FBXO27: variants seen among roughly 807,000 people sequenced by gnomAD.
The protein encoded by FBXO27 is F-box only protein 27.
Under a neutral mutation model 28.3 loss-of-function variants are expected in FBXO27, and 28 were observed. The ratio of observed to expected loss-of-function variants is 0.99; its 90% CI spans 0.73 to 1.36. The LOEUF (loss-of-function observed/expected upper bound fraction) is 1.36, where lower values mean the gene tolerates loss of function less well. FBXO27 is among the 40% of genes most tolerant of loss of function. The pLI, the probability that FBXO27 is intolerant of heterozygous loss-of-function variation, is 0.00. For synonymous variants in FBXO27, 175 were observed against 167.3 expected (o/e 1.05, Z -0.36); for missense variants, 388 against 394.1 (o/e 0.98, Z 0.13).
intron 1 of FBXO27, among the ~76,000 whole-genome samples, chr19:39,014,734 A>AAACAAACAAACAAACAAAC (rs1555757171): frequency 1.3e-5 from 2 of 149,024 alleles, no homozygotes; most frequent in African/African-American, 5.0e-5. Flanking sequence ...TAAAAACAAA[A>AAACAAACAAACAAACAAAC]AAACAAACAA....
At chr19:39,018,889 C>T (rs1161311667) in intron 1 of FBXO27, among the ~76,000 whole-genome samples, 3 of 150,236 alleles carry the variant, frequency 2.0e-5, no homozygotes, top group South Asian at 2.1e-4. Flanking sequence ...GCCAACGTGG[C>T]GAAACCCTGT....
At chr19:39,029,641 G>T (rs1257201440) in intron 4 of FBXO27, among the ~76,000 whole-genome samples, 1 of 152,026 alleles carries the variant, frequency 6.6e-6, no homozygotes, top group Non-Finnish European at 1.5e-5. Context: ...GATTAATTGT[G>T]TAATAGGGGG....
At chr19:39,023,183 G>GC (rs2072853808), downstream of FBXO27, among the ~76,000 whole-genome samples, 1 of 152,140 alleles carries the variant, frequency 6.6e-6, no homozygotes, top group South Asian at 2.1e-4. Flanking sequence ...TGATCCACCT[G>GC]CCGCGGTCCC....
chr19:39,025,213 T>G lies in FBXO27; in HGVS notation c.*198A>C. On this transcript the variant is annotated 3_prime_UTR_variant, in exon 6 of 6. Transcript: ENST00000292853. ...CCCGCAAAGCAGCAGCTGCAGTAGG[T>G]AGATAAGATGGAAGAAGCTTCTTCT... 1.6e-6 allele frequency: 1 copy of G among 641,322 alleles called. No homozygotes were observed. The highest frequency in any genetic ancestry group is 2.5e-6 in the Non-Finnish European group (1 of 394,990). 39.7% of individuals were successfully genotyped at this position (641,322 alleles called of 1,614,324 possible).
chr19:39,007,496 C>T (rs947036093), intron 2 of FBXO27, among the ~76,000 whole-genome samples: 7 of 151,978 alleles, frequency 4.6e-5, no homozygotes, highest in African/African-American at 1.7e-4. Context: ...AAGGCAAGAC[C>T]GGGTGTTTCT....
In FBXO27 at chr19:39,032,148, C is replaced by CTT. The variant is rs1248414535; in HGVS notation, c.79_80insAA (p.Ser27LysfsTer13). The CTT allele has an allele frequency of 1.3e-6, 2 of 1,543,216 alleles. No homozygotes were observed. Among genetic ancestry groups the CTT allele is most frequent in the Admixed American group, 2.0e-5 (1 of 50,194 alleles). On this transcript the variant is annotated frameshift_variant, in exon 2 of 6. Coordinates refer to ENST00000292853, the MANE Select transcript of FBXO27 (RefSeq NM_178820.5). LOFTEE classifies it high-confidence loss of function. The surrounding 1 kb of genome is among the most constrained non-coding windows in gnomAD (Gnocchi z 4.7). ...CAGAAGCAGCTCTGGGGGTAGTTGG[C>CTT]TCAGGTCCAGCGCCTCTTCGGGTTC...
chr19:39,011,515 C>G (rs930563542), intron 2 of FBXO27, among the ~76,000 whole-genome samples: 1 of 152,160 alleles, frequency 6.6e-6, no homozygotes, highest in Non-Finnish European at 1.5e-5. Context: ...AATATAAAGT[C>G]TTCCAGTTGA....
intron 1 of FBXO27, among the ~76,000 whole-genome samples, chr19:39,017,127 A>G (rs1478594613): frequency 1.3e-5 from 2 of 152,124 alleles, no homozygotes; most frequent in Non-Finnish European, 2.9e-5. Context: ...CCAAAAGTTT[A>G]TTTCCATCCA....
At chr19:39,030,967 A>G in intron 4 of FBXO27, 62 bp downstream of exon 4, 2 of 1,424,160 alleles carry the variant, frequency 1.4e-6, no homozygotes. Flanking sequence ...AGTCACCCAT[A>G]AAAAGGCCAT....
At chr19:39,010,717 T>A (rs1018236119) in intron 2 of FBXO27, among the ~76,000 whole-genome samples, 1 of 152,250 alleles carries the variant, frequency 6.6e-6, no homozygotes, top group Non-Finnish European at 1.5e-5. Flanking sequence ...AAATCACCCC[T>A]TAATCTGCAT....
At chr19:39,017,791 G>A (rs912578587) in intron 1 of FBXO27, among the ~76,000 whole-genome samples, 3 of 151,702 alleles carry the variant, frequency 2.0e-5, no homozygotes, top group Middle Eastern at 3.4e-3. Context: ...ACACTTAATA[G>A]TTGGAATAGA....
chr19:39,028,189 C>T (rs2072883500), intron 4 of FBXO27, among the ~76,000 whole-genome samples: 1 of 151,924 alleles, frequency 6.6e-6, no homozygotes, highest in African/African-American at 2.4e-5. Context: ...TGAGATCGCA[C>T]CATTGCACTC....
In FBXO27 at chr19:39,031,320, TCTGTGAAATAAAAAAGGCTTGTGC is replaced by T; in HGVS notation, c.365-24_365-1del. 3 of 1,613,714 alleles carry T rather than the reference TCTGTGAAATAAAAAAGGCTTGTGC, an allele frequency of 1.9e-6. No homozygotes were observed. In the South Asian group the frequency reaches 3.3e-5, roughly 18 times the overall value. ...TTGCACCATCCACTTTCGGAGGCCT[TCTGTGAAATAAAAAAGGCTTGTGC>T]CCAAGTTCCAGTCGCCCGCCTGTTG... On this transcript the variant is annotated splice_acceptor_variant and splice_polypyrimidine_tract_variant and intron_variant, in intron 2 of 5. Transcript: ENST00000292853. LOFTEE classifies it high-confidence loss of function.
At chr19:39,017,905 T>A (rs1185378146) in intron 1 of FBXO27, among the ~76,000 whole-genome samples, 2 of 152,126 alleles carry the variant, frequency 1.3e-5, no homozygotes, top group East Asian at 3.8e-4. Context: ...GATCCCAAAA[T>A]CCACAGATAC....
In FBXO27 at chr19:39,032,089, G is replaced by C. The variant is rs557937230; in HGVS notation, c.139C>G (p.Leu47Val). The change falls in exon 2 of 6, where the codon CTC (leucine) becomes GTC (valine). Residue 47 changes from leucine (L) to valine (V), a missense_variant. Coordinates refer to ENST00000292853, the MANE Select transcript of FBXO27 (RefSeq NM_178820.5). The surrounding 1 kb of genome is among the most constrained non-coding windows in gnomAD (Gnocchi z 4.7). Reference sequence around the variant, plus strand: ...CGGCACACTTGGCGGCAGCGCCCGAGCAGCGTGCGCGGGGGGACGTGGCTC... The same window carrying C: ...CGGCACACTTGGCGGCAGCGCCCGACCAGCGTGCGCGGGGGGACGTGGCTC... ...VLSHVPPRTL[L>V]GRCRQVCRGW... The C allele has an allele frequency of 4.8e-5, 73 of 1,532,752 alleles. No homozygotes were observed. The African/African-American group carries it at 5.9e-4, about 12-fold the overall frequency. 94.9% of individuals were successfully genotyped at this position (1,532,752 alleles called of 1,614,324 possible).
intron 4 of FBXO27, among the ~76,000 whole-genome samples, chr19:39,029,370 T>C (rs2072890061): frequency 1.4e-5 from 2 of 146,346 alleles, no homozygotes; most frequent in Non-Finnish European, 3.0e-5. Flanking sequence ...GAGGTTGCAG[T>C]GATCTGAGAT....
At chr19:39,029,426 C>CAAA (rs35521168) in intron 4 of FBXO27, among the ~76,000 whole-genome samples, 3,690 of 101,474 alleles carry the variant, frequency 0.036, 148 homozygotes, top group Non-Finnish European at 0.051. Flanking sequence ...GACTCTGTCT[C>CAAA]AAAAAAAAAA....
downstream of FBXO27, among the ~76,000 whole-genome samples, chr19:39,019,523 T>C (rs2072835888): frequency 7.1e-6 from 1 of 140,990 alleles, no homozygotes. Flanking sequence ...GTAGCCATTA[T>C]ATGACAACTT....
In FBXO27 at chr19:39,032,052, G is replaced by T; in HGVS notation, c.176C>A (p.Ala59Asp). 2 of 1,529,506 alleles carry T rather than the reference G, an allele frequency of 1.3e-6. No homozygotes were observed. The highest frequency in any genetic ancestry group is 8.7e-7 in the Non-Finnish European group (1 of 1,143,720). The allele number at this position is 1,529,506 out of a possible 1,614,324, so 94.7% of individuals were successfully genotyped here. The change falls in exon 2 of 6, where the codon GCC (alanine) becomes GAC (aspartate). Residue 59 changes from alanine (A) to aspartate (D), a missense_variant. Coordinates refer to ENST00000292853, the MANE Select transcript of FBXO27 (RefSeq NM_178820.5). This position sits in a 1 kb window ranked among gnomAD's most constrained non-coding sequence, Gnocchi z 4.7. ...RCRQVCRGWR[A>D]LVDGQALWLL... is the part of the protein sequence containing the mutation. ...CCACAGGGCCTGGCCGTCCACCAGGGCTCGCCAGCCCCGGCACACTTGGCG... is the reference window on the plus strand; with the variant it reads ...CCACAGGGCCTGGCCGTCCACCAGGTCTCGCCAGCCCCGGCACACTTGGCG...
Sources: allele counts gnomAD v4.1 joint callset (sites outside exome capture counted in the v4.1 genomes callset), GRCh38; gene constraint gnomAD v4.1.1; non-coding constraint Gnocchi (gnomAD v3.1); transcripts MANE v1.5; gene names NCBI Gene and HGNC (gene_info 2026-07-23, HGNC 2026-07-21).